The following PDZRN3 variants were observed in gnomAD, a reference collection of about 807,000 sequenced individuals.
PDZRN3 encodes PDZ domain containing ring finger 3.
A neutral mutation model predicts 85.7 loss-of-function variants in PDZRN3; 38 were observed. The observed-to-expected ratio is 0.44, with a 90% CI of 0.34 to 0.58. The LOEUF (loss-of-function observed/expected upper bound fraction) is 0.58. Among genes scored for constraint, PDZRN3 ranks in the 20% least tolerant of loss-of-function variants. PDZRN3 has a pLI of 0.01. For missense variants in PDZRN3, 1,629 were observed against 1,506.4 expected, an observed-to-expected ratio of 1.08 and a Z score of -1.35; for synonymous variants, 759 against 638.0, an observed-to-expected ratio of 1.19 and a Z score of -2.86.
At chr3:73,595,267 A>T (rs1233023171) in intron 3 of PDZRN3, among the ~76,000 whole-genome samples, 1 of 152,224 alleles carries the variant, frequency 6.6e-6, no homozygotes, top group Non-Finnish European at 1.5e-5. Context: ...TTCTTTAATC[A>T]AAACAGAATA....
At chr3:73,607,731 T>C (rs1318022060) in intron 2 of PDZRN3, among the ~76,000 whole-genome samples, 1 of 152,160 alleles carries the variant, frequency 6.6e-6, no homozygotes, top group Non-Finnish European at 1.5e-5. Context: ...CAATCTCTAA[T>C]TATTGTATTC....
At chr3:73,384,969 G>C (rs369028266) in intron 9 of PDZRN3, 39 bp from the exon 10 acceptor site, 41 of 1,549,666 alleles carry the variant, frequency 2.6e-5, no homozygotes, top group Non-Finnish European at 3.3e-5. Context: ...AGTGAGGGAG[G>C]CCTGCGCAGC....
intron 3 of PDZRN3, among the ~76,000 whole-genome samples, chr3:73,486,771 G>C (rs1186828442): frequency 6.6e-6 from 1 of 152,194 alleles, no homozygotes; most frequent in Non-Finnish European, 1.5e-5. Context: ...TGCAAAGCTG[G>C]CGGTAACTGA....
intron 3 of PDZRN3, among the ~76,000 whole-genome samples, chr3:73,572,551 C>G (rs1702059398): frequency 6.6e-6 from 1 of 152,148 alleles, no homozygotes. Flanking sequence ...TGAACAACTC[C>G]CATAAATCAC....
At position 73,383,482 on chromosome 3, in the gene PDZRN3, C is replaced by T. The variant is rs1703300394; in HGVS notation, c.3084G>A (p.Lys1028=). 2.5e-6 allele frequency: 4 copies of T among 1,614,068 alleles called. No homozygotes were observed. The highest frequency in any genetic ancestry group is 3.4e-6 in the Non-Finnish European group (4 of 1,179,936). Residue 1028 remains lysine (K), a synonymous_variant, in exon 10 of 10, where the codon AAG becomes AAA. Coordinates refer to ENST00000263666, the MANE Select transcript of PDZRN3 (RefSeq NM_015009.3). The part of the protein sequence containing the change: ...LELSHKKMMK[K]RNKKIFDNWM... ...AGTTATCGAAGATTTTCTTATTCCT[C>T]TTCTTCATCATCTTTTTGTGGCTCA...
intron 1 of PDZRN3, among the ~76,000 whole-genome samples, chr3:73,614,165 T>C (rs1212010357): frequency 6.6e-6 from 1 of 152,290 alleles, no homozygotes; most frequent in South Asian, 2.1e-4. Context: ...CAAGGTCTAA[T>C]TGGATAAGAA....
intron 2 of PDZRN3, among the ~76,000 whole-genome samples, chr3:73,608,143 G>A (rs1465540224): frequency 1.3e-5 from 2 of 152,146 alleles, no homozygotes; most frequent in Non-Finnish European, 2.9e-5. Flanking sequence ...AGAAAGCAAA[G>A]GGATGCAGTC....
At chr3:73,425,665 G>A (rs533817792) in intron 3 of PDZRN3, among the ~76,000 whole-genome samples, 14 of 151,738 alleles carry the variant, frequency 9.2e-5, no homozygotes, top group African/African-American at 2.2e-4. Flanking sequence ...GAGGTAAGGC[G>A]GATACTTATA....
chr3:73,392,117 T>TTGAACTTTCCCCGATGAAAG (rs1701540946), intron 5 of PDZRN3, among the ~76,000 whole-genome samples: 1 of 152,210 alleles, frequency 6.6e-6, no homozygotes, highest in Non-Finnish European at 1.5e-5. Context: ...AAGATACTTC[T>TTGAACTTTCCCCGATGAAAG]TGAACTTTCC....
At chr3:73,457,081 A>G (rs1033852889) in intron 3 of PDZRN3, among the ~76,000 whole-genome samples, 2 of 152,062 alleles carry the variant, frequency 1.3e-5, no homozygotes, top group African/African-American at 4.8e-5. Context: ...ACCTTAGCTC[A>G]CTTTTTTTTG....
chr3:73,406,964 C>A (rs1559661485), intron 3 of PDZRN3, among the ~76,000 whole-genome samples: 1 of 152,190 alleles, frequency 6.6e-6, no homozygotes, highest in African/African-American at 2.4e-5. Flanking sequence ...CATCCTCACC[C>A]CAATGCTCCC....
intron 3 of PDZRN3, among the ~76,000 whole-genome samples, chr3:73,428,893 TG>T (rs1702373733): frequency 6.8e-6 from 1 of 147,966 alleles, no homozygotes; most frequent in East Asian, 2.0e-4. Flanking sequence ...AAGATGGGCT[TG>T]TTTTTTTTTT....
chr3:73,579,830 G>C (rs73838579), intron 3 of PDZRN3, among the ~76,000 whole-genome samples: 25,588 of 151,144 alleles, frequency 0.17, 2,301 homozygotes, highest in African/African-American at 0.23. Flanking sequence ...GAGTGTCTCT[G>C]TGTGTGTGTG....
intron 3 of PDZRN3, among the ~76,000 whole-genome samples, chr3:73,480,637 C>G (rs1559701162): frequency 6.6e-6 from 1 of 152,188 alleles, no homozygotes. Context: ...TCTGTAAAAG[C>G]ACATGGAGAA....
intron 1 of PDZRN3, among the ~76,000 whole-genome samples, chr3:73,618,703 G>A (rs1702804680): frequency 6.6e-6 from 1 of 152,186 alleles, no homozygotes; most frequent in Non-Finnish European, 1.5e-5. Flanking sequence ...TCTGAACACA[G>A]AAAGAGCCAC....
chr3:73,426,955 C>T (rs913082262), intron 3 of PDZRN3, among the ~76,000 whole-genome samples: 1 of 152,138 alleles, frequency 6.6e-6, no homozygotes, highest in Non-Finnish European at 1.5e-5. Context: ...GACCAGCATG[C>T]AGCACAACTG....
rs115202866 is a variant in PDZRN3, at chr3:73,529,624, G to A, written c.918+72730C>T. Among the ~76,000 whole-genome samples the A allele has an allele frequency of 6.6e-3, 1,011 of 152,326 alleles. 8 individuals carry two copies. Among genetic ancestry groups the A allele is most frequent in the African/African-American group, 0.021 (855 of 41,566 alleles). ...TTAAGCAAAAGGGCTGTGGGAGGGTGGGACAAAGAAATCACAGAAACAGTA... is the reference window on the plus strand; with the variant it reads ...TTAAGCAAAAGGGCTGTGGGAGGGTAGGACAAAGAAATCACAGAAACAGTA... On this transcript the variant is annotated intron_variant, in intron 3 of 9. Coordinates refer to ENST00000263666, the MANE Select transcript of PDZRN3 (RefSeq NM_015009.3).
intron 3 of PDZRN3, among the ~76,000 whole-genome samples, chr3:73,534,065 T>C (rs955457820): frequency 3.9e-5 from 6 of 152,252 alleles, no homozygotes; most frequent in Admixed American, 2.6e-4. Context: ...CCATGAGGAC[T>C]GGACCTTTGA....
At chr3:73,611,954 TG>T (rs1010362473) in intron 1 of PDZRN3, among the ~76,000 whole-genome samples, 77 of 152,316 alleles carry the variant, frequency 5.1e-4, no homozygotes, top group African/African-American at 1.8e-3. Flanking sequence ...GAGGTGTAAA[TG>T]GGATAAGGGC....
Sources: gnomAD v4.1 joint callset for allele counts (sites outside exome capture counted in the v4.1 genomes callset) on GRCh38, gnomAD v4.1.1 for gene constraint, MANE v1.5 for transcripts, NCBI Gene and HGNC (gene_info 2026-07-23, HGNC 2026-07-21) for gene names.